Variants in ROBO2 observed in about 807,000 individuals in gnomAD.
The protein encoded by ROBO2 is roundabout homolog 2.
ROBO2 carries 53 observed loss-of-function variants against 160.8 expected under a neutral mutation model. That is an observed-to-expected ratio of 0.33 (90% CI 0.26 to 0.41). The LOEUF (loss-of-function observed/expected upper bound fraction) is 0.41. Among genes scored for constraint, ROBO2 ranks in the 10% least tolerant of loss-of-function variants. The pLI, the probability that ROBO2 is intolerant of heterozygous loss-of-function variation, is 1.00. For synonymous variants in ROBO2, 664 were observed against 611.7 expected (o/e 1.09, Z -1.26); for missense variants, 1,577 against 1,722.4 (o/e 0.92, Z 1.49).
chr3:76,298,134 C>G (rs1709175527), intron 2 of ROBO2, among the ~76,000 whole-genome samples: 1 of 152,174 alleles, frequency 6.6e-6, no homozygotes, highest in Admixed American at 6.5e-5. Context: ...CATAGAGGAA[C>G]AAAAAGCTGG....
At position 76,635,065 on chromosome 3, in the gene ROBO2, G is replaced by A. The variant is rs375802444; in HGVS notation, c.110-462949G>A. 3.3e-5 allele frequency among the ~76,000 whole-genome samples: 5 copies of A among 152,320 alleles called. No individual in the cohort carries two copies. In the South Asian group the frequency reaches 1.0e-3, roughly 32 times the overall value. On this transcript the variant is annotated intron_variant, in intron 2 of 26. Coordinates refer to the ROBO2 transcript ENST00000487694. ...CCACTGTGGAAAAACTGTCTTCCAT[G>A]AAATCTGTCCCTAGCGCCAAAATGT...
chr3:76,205,411 C>T (rs185395262), intron 2 of ROBO2, among the ~76,000 whole-genome samples: 3 of 152,100 alleles, frequency 2.0e-5, no homozygotes, highest in Admixed American at 2.0e-4. Flanking sequence ...CCTGGCTGCA[C>T]TAGATCAAGA....
chr3:76,195,666 G>A (rs1188468374), intron 2 of ROBO2, among the ~76,000 whole-genome samples: 3 of 152,200 alleles, frequency 2.0e-5, no homozygotes, highest in Non-Finnish European at 2.9e-5. Context: ...CACATGAAAT[G>A]TGGAGACATC....
At chr3:76,362,237 C>A (rs34387721) in intron 2 of ROBO2, among the ~76,000 whole-genome samples, 26,976 of 151,728 alleles carry the variant, frequency 0.18, 3,398 homozygotes, top group African/African-American at 0.36. Context: ...GTTGAGGCTC[C>A]TGCGTAGTCC....
chr3:77,327,345 T>C (rs2065502744), intron 2 of ROBO2, among the ~76,000 whole-genome samples: 1 of 152,134 alleles, frequency 6.6e-6, no homozygotes, highest in Non-Finnish European at 1.5e-5. Context: ...ATTTCGAGGG[T>C]CGGAGAAACT....
intron 2 of ROBO2, among the ~76,000 whole-genome samples, chr3:77,463,982 CTTG>C (rs2082508014): frequency 6.6e-6 from 1 of 152,144 alleles, no homozygotes; most frequent in South Asian, 2.1e-4. Flanking sequence ...CAAAGTCTTT[CTTG>C]TTTACTATAC....
chr3:76,019,649 A>G (rs1359225108), intron 2 of ROBO2, among the ~76,000 whole-genome samples: 1 of 151,838 alleles, frequency 6.6e-6, no homozygotes, highest in Non-Finnish European at 1.5e-5. Flanking sequence ...CTCCATGCGT[A>G]TCTGAGAATA....
At chr3:77,448,855 T>C (rs1213311699) in intron 2 of ROBO2, among the ~76,000 whole-genome samples, 1 of 151,732 alleles carries the variant, frequency 6.6e-6, no homozygotes, top group Non-Finnish European at 1.5e-5. Flanking sequence ...AGAGCCAAGT[T>C]AAAAACATTT....
chr3:76,523,917 A>G (rs900085528), intron 2 of ROBO2, among the ~76,000 whole-genome samples: 24 of 151,978 alleles, frequency 1.6e-4, no homozygotes, highest in Admixed American at 6.6e-5. Context: ...AACAATCTGG[A>G]AAACAATGAT....
At chr3:77,617,359 G>A (rs149246467) in intron 21 of ROBO2, among the ~76,000 whole-genome samples, 154 bp from the exon 23 acceptor site, 14 of 152,312 alleles carry the variant, frequency 9.2e-5, no homozygotes, top group African/African-American at 3.4e-4. Flanking sequence ...ACAGCCAGGT[G>A]ATTTACTGTG....
chr3:76,969,565 T>C (rs2059470531), intron 2 of ROBO2, among the ~76,000 whole-genome samples: 1 of 152,212 alleles, frequency 6.6e-6, no homozygotes, highest in East Asian at 1.9e-4. Flanking sequence ...TTAAAAATAA[T>C]TCTTTTGAAG....
intron 2 of ROBO2, among the ~76,000 whole-genome samples, chr3:76,747,250 GT>G (rs1315486335): frequency 6.6e-6 from 1 of 152,104 alleles, no homozygotes; most frequent in East Asian, 1.9e-4. Flanking sequence ...GAACAACAAA[GT>G]GATTTGCAGA....
At chr3:76,440,870 G>A (rs1311830757) in intron 2 of ROBO2, among the ~76,000 whole-genome samples, 2 of 149,114 alleles carry the variant, frequency 1.3e-5, no homozygotes, top group Non-Finnish European at 2.9e-5. Flanking sequence ...TGCCTCCACT[G>A]TAAAACACAA....
chr3:77,565,622 G>T (rs1337740358), intron 12 of ROBO2, among the ~76,000 whole-genome samples: 2 of 152,062 alleles, frequency 1.3e-5, no homozygotes, highest in African/African-American at 2.4e-5. Context: ...ACGCTCTGAG[G>T]TTGGGGCCCA....
chr3:75,990,229 T>A (rs1000822584), intron 2 of ROBO2, among the ~76,000 whole-genome samples: 2 of 152,324 alleles, frequency 1.3e-5, no homozygotes, highest in East Asian at 3.9e-4. Context: ...ATAAAGTATG[T>A]TTTTAATACT....
intron 2 of ROBO2, among the ~76,000 whole-genome samples, chr3:76,452,656 G>A (rs986314549): frequency 3.3e-5 from 5 of 152,158 alleles, no homozygotes; most frequent in Non-Finnish European, 7.3e-5. Context: ...TGTCTTTATA[G>A]CAGCATGATT....
At chr3:77,383,354 TAGAG>T (rs1486819009) in intron 2 of ROBO2, among the ~76,000 whole-genome samples, 1 of 152,122 alleles carries the variant, frequency 6.6e-6, no homozygotes, top group African/African-American at 2.4e-5. Flanking sequence ...TATTTTGCTA[TAGAG>T]AAAGATATAT....
chr3:77,320,832 A>G (rs1244757931), intron 2 of ROBO2, among the ~76,000 whole-genome samples: 1 of 152,208 alleles, frequency 6.6e-6, no homozygotes, highest in Non-Finnish European at 1.5e-5. Flanking sequence ...ACATTATCTG[A>G]TATGTGTAAT....
Position 77,523,729 on chromosome 3 carries a change from T to A in ROBO2, c.934+827T>A, listed in dbSNP as rs117201189. 1.5e-3 allele frequency among the ~76,000 whole-genome samples: 224 copies of A among 151,424 alleles called. 2 individuals carry two copies. The East Asian group carries it at 0.036, about 24-fold the overall frequency. On this transcript the variant is annotated intron_variant, in intron 6 of 25. Transcript: ENST00000461745. ...GAAACAGACATTAGCCATGGCATCA[T>A]CTACACTCCTAGAAAATCAAACAAA... is the stretch of plus-strand genomic sequence containing the variant.
Sources: allele counts gnomAD v4.1 joint callset (sites outside exome capture counted in the v4.1 genomes callset), GRCh38; gene constraint gnomAD v4.1.1; transcripts MANE v1.5; gene names NCBI Gene and HGNC (gene_info 2026-07-23, HGNC 2026-07-21).